Variants in NKAIN3 observed in about 807,000 individuals in gnomAD.
The protein encoded by NKAIN3 is sodium/potassium transporting ATPase interacting 3.
Under a neutral mutation model 30.2 loss-of-function variants are expected in NKAIN3, and 25 were observed. That is an observed-to-expected ratio of 0.83 (90% CI 0.60 to 1.16). NKAIN3 has a LOEUF of 1.16. NKAIN3 is among the 50% of genes most tolerant of loss of function. The pLI is 0.00. For synonymous variants in NKAIN3, 91 were observed against 89.6 expected (o/e 1.02, Z -0.09); for missense variants, 225 against 254.1 (o/e 0.89, Z 0.78).
chr8:62,844,842 C>G (rs916331329), intron 4 of NKAIN3, among the ~76,000 whole-genome samples: 1 of 151,986 alleles, frequency 6.6e-6, no homozygotes, highest in Admixed American at 6.6e-5. Context: ...CTATCGGGGG[C>G]AGAAATATTG....
rs149374185 is a variant in NKAIN3 at position 62,440,404 on chromosome 8, G to T, written c.55-139135G>T. 3.2e-3 allele frequency among the ~76,000 whole-genome samples: 487 copies of T among 152,246 alleles called. 1 individual carries two copies. The highest frequency in any genetic ancestry group is 0.011 in the African/African-American group (468 of 41,542). ...GCATTTTTGTTAGTAGATATGGAAA[G>T]AATCAATTTAACCAATATATTAGCA... On this transcript the variant is annotated intron_variant, in intron 1 of 6. Coordinates refer to ENST00000623646, the MANE Select transcript of NKAIN3 (RefSeq NM_001304533.3).
chr8:62,681,416 T>G (rs1813640371), intron 3 of NKAIN3, among the ~76,000 whole-genome samples: 1 of 152,224 alleles, frequency 6.6e-6, no homozygotes, highest in Non-Finnish European at 1.5e-5. Flanking sequence ...GTTCTAGACA[T>G]AGAGTTGATA....
intron 3 of NKAIN3, among the ~76,000 whole-genome samples, chr8:62,653,167 A>G (rs1337903523): frequency 1.3e-5 from 2 of 152,136 alleles, no homozygotes. Context: ...ACAGAAATGT[A>G]TTTTCCCAAA....
At chr8:62,645,438 A>G (rs1812431973) in intron 3 of NKAIN3, among the ~76,000 whole-genome samples, 1 of 152,146 alleles carries the variant, frequency 6.6e-6, no homozygotes, top group African/African-American at 2.4e-5. Flanking sequence ...AAAGGGATAG[A>G]TGTAGGGAGA....
intron 1 of NKAIN3, among the ~76,000 whole-genome samples, chr8:62,282,798 C>G (rs1292861348): frequency 6.6e-6 from 1 of 152,184 alleles, no homozygotes; most frequent in Non-Finnish European, 1.5e-5. Flanking sequence ...TACTGTCCTT[C>G]TAGGCCTAAG....
intron 2 of NKAIN3, among the ~76,000 whole-genome samples, chr8:62,587,639 C>T (rs1348077045): frequency 6.6e-6 from 1 of 152,022 alleles, no homozygotes; most frequent in African/African-American, 2.4e-5. Context: ...CAAATCCTAA[C>T]TCTGACACTA....
chr8:62,573,759 A>G (rs888429743), intron 1 of NKAIN3, among the ~76,000 whole-genome samples: 2 of 151,868 alleles, frequency 1.3e-5, no homozygotes, highest in South Asian at 4.2e-4. Flanking sequence ...TTGTGGGTAC[A>G]TAGTAGGTGT....
chr8:62,934,717 T>G (rs1822728226), intron 5 of NKAIN3, among the ~76,000 whole-genome samples: 1 of 152,058 alleles, frequency 6.6e-6, no homozygotes, highest in Non-Finnish European at 1.5e-5. Context: ...TGAAAACAAT[T>G]GGAAAAAGCC....
intron 1 of NKAIN3, among the ~76,000 whole-genome samples, chr8:62,444,806 C>A (rs989086583): frequency 6.6e-6 from 1 of 152,134 alleles, no homozygotes; most frequent in Non-Finnish European, 1.5e-5. Context: ...AGTGGCTGTA[C>A]TAATTTATAT....
At chr8:62,770,964 G>A (rs57111019) in intron 4 of NKAIN3, among the ~76,000 whole-genome samples, 4,421 of 151,888 alleles carry the variant, frequency 0.029, 204 homozygotes, top group African/African-American at 0.1. Flanking sequence ...AGTTTTCAAC[G>A]ACAACAAAAA....
intron 4 of NKAIN3, among the ~76,000 whole-genome samples, chr8:62,784,473 T>G (rs1817454190): frequency 6.6e-6 from 1 of 151,876 alleles, no homozygotes; most frequent in Admixed American, 6.6e-5. Flanking sequence ...TACAGAAATT[T>G]TAAAAGATTA....
intron 1 of NKAIN3, among the ~76,000 whole-genome samples, chr8:62,499,258 ACTGTACTTTCTGTTCTTTTTGCTGCCTTT>A (rs879758809): frequency 5.6e-4 from 86 of 152,310 alleles, no homozygotes; most frequent in Non-Finnish European, 1.1e-3. Context: ...GGAGATAGTA[ACTGTACTTTCTGTTCTTTTTGCTGCCTTT>A]CTAGGATGGA....
At chr8:62,306,470 T>C (rs1814242142) in intron 1 of NKAIN3, among the ~76,000 whole-genome samples, 1 of 149,934 alleles carries the variant, frequency 6.7e-6, no homozygotes, top group South Asian at 2.1e-4. Context: ...GTGCGAGCCC[T>C]ACCTGACTGA....
intron 1 of NKAIN3, among the ~76,000 whole-genome samples, chr8:62,329,811 G>T (rs921997220): frequency 1.3e-5 from 2 of 152,088 alleles, no homozygotes; most frequent in African/African-American, 4.8e-5. Context: ...ACAGGTGCCT[G>T]TGTCTTTATG....
intron 1 of NKAIN3, among the ~76,000 whole-genome samples, chr8:62,487,299 T>G (rs1806932688): frequency 6.6e-6 from 1 of 152,158 alleles, no homozygotes; most frequent in Admixed American, 6.5e-5. Context: ...GAGAGGATTT[T>G]TGCTTTCTTT....
chr8:62,738,203 C>T (rs1205602892), intron 3 of NKAIN3, among the ~76,000 whole-genome samples: 9 of 152,168 alleles, frequency 5.9e-5, no homozygotes, highest in Non-Finnish European at 5.9e-5. Context: ...TTAATGATCA[C>T]CATTCTAACT....
At chr8:62,579,360 T>A (rs1810220099) in intron 1 of NKAIN3, among the ~76,000 whole-genome samples, 179 bp from the exon 2 acceptor site, 1 of 152,064 alleles carries the variant, frequency 6.6e-6, no homozygotes, top group African/African-American at 2.4e-5. Context: ...TATCTTAGTA[T>A]ATTTTGAGAG....
intron 4 of NKAIN3, among the ~76,000 whole-genome samples, chr8:62,901,093 A>G (rs921700915): frequency 7.2e-5 from 11 of 152,182 alleles, no homozygotes; most frequent in African/African-American, 2.7e-4. Context: ...CTCAGATCCA[A>G]GGAGGATGTA....
At position 62,954,546 on chromosome 8, in the gene NKAIN3, G is replaced by C. The variant is rs140296713; in HGVS notation, c.603+574G>C. Among the ~76,000 whole-genome samples the C allele has an allele frequency of 1.9e-3, 289 of 152,266 alleles. 2 individuals are homozygous for C. Among genetic ancestry groups the C allele is most frequent in the African/African-American group, 5.4e-3 (225 of 41,542 alleles). On this transcript the variant is annotated intron_variant, in intron 6 of 6. Coordinates refer to ENST00000623646, the MANE Select transcript of NKAIN3 (RefSeq NM_001304533.3). ...TCTTAGAGGACATGAAAGGAAGTCA[G>C]CAACAACAAAACCACCTAAAACTGG...
Sources: allele counts gnomAD v4.1 joint callset (sites outside exome capture counted in the v4.1 genomes callset), GRCh38; gene constraint gnomAD v4.1.1; transcripts MANE v1.5; gene names NCBI Gene and HGNC (gene_info 2026-07-23, HGNC 2026-07-21).